Variants in STX11 observed in about 807,000 individuals in gnomAD.
STX11 encodes the protein syntaxin 11, also known as syntaxin-11.
In STX11, 21 loss-of-function variants were observed where a neutral mutation model predicts 19.9. That is an observed-to-expected ratio of 1.06 (90% CI 0.75 to 1.52). The LOEUF (loss-of-function observed/expected upper bound fraction) is 1.52, where lower values mean the gene tolerates loss of function less well. Among genes scored for constraint, STX11 ranks in the 40% most tolerant of loss-of-function variants. STX11 has a pLI of 0.00. For missense variants in STX11, 438 were observed against 405.9 expected, an observed-to-expected ratio of 1.08 and a Z score of -0.68; for synonymous variants, 193 against 174.4, an observed-to-expected ratio of 1.11 and a Z score of -0.84.
In STX11 at chr6:144,168,903, A is replaced by G. The variant is rs531147908; in HGVS notation, c.-5-17720A>G. On this transcript the variant is annotated intron_variant, in intron 1 of 1. Transcript: ENST00000367568. ...TTTAGGGAAAGTACGTGGCATAAAC[A>G]TTATTTTTGATGAGAATTTCCACTG... Among the ~76,000 whole-genome samples the G allele has an allele frequency of 2.6e-5, 4 of 152,350 alleles. No individual in the cohort carries two copies. In the South Asian group the frequency reaches 6.2e-4, roughly 24 times the overall value.
chr6:144,142,385 C>T, the STX11 span, among the ~76,000 whole-genome samples: 3 of 152,148 alleles, frequency 2.0e-5, no homozygotes, highest in South Asian at 6.2e-4. Flanking sequence ...GTTTGCAGTA[C>T]TGAAACCTTT....
At position 144,188,364 on chromosome 6, in the gene STX11, G is replaced by A. The variant is rs1802120565; in HGVS notation, c.*873G>A. On this transcript the variant is annotated 3_prime_UTR_variant, in exon 2 of 2. Coordinates refer to ENST00000367568, the MANE Select transcript of STX11 (RefSeq NM_003764.4). ...AAGTATGGTATATAAATTTCAAGACGAACACTTTTCTGGCTCTTGGTATTG... is the reference window on the plus strand; with the variant it reads ...AAGTATGGTATATAAATTTCAAGACAAACACTTTTCTGGCTCTTGGTATTG... The A allele has an allele frequency of 1.3e-5, 3 of 228,640 alleles. No homozygotes were observed. Among genetic ancestry groups the A allele is most frequent in the East Asian group, 7.2e-5 (1 of 13,986 alleles). The allele number at this position is 228,640 out of a possible 1,614,324, so 14.2% of individuals were successfully genotyped here. A position where few individuals can be genotyped will look rare whatever the true frequency, so the allele number is the denominator to read the frequency against.
rs1562672912 is a variant in STX11, at chr6:144,189,022, G to A, written c.*1531G>A. ...ATTACAGGTGTGAGCCACCATGCCT[G>A]GCCTTTTTTCCCCCCTTTTGAGACA... On this transcript the variant is annotated 3_prime_UTR_variant, in exon 2 of 2. Coordinates refer to ENST00000367568, the MANE Select transcript of STX11 (RefSeq NM_003764.4). Among the ~76,000 whole-genome samples the A allele has an allele frequency of 6.6e-6, 1 of 151,358 alleles. No homozygotes were observed. Among genetic ancestry groups the A allele is most frequent in the African/African-American group, 2.4e-5 (1 of 41,086 alleles).
At chr6:144,163,041 C>T (rs1041796738) in intron 1 of STX11, among the ~76,000 whole-genome samples, 1 of 152,152 alleles carries the variant, frequency 6.6e-6, no homozygotes, top group East Asian at 1.9e-4. Flanking sequence ...TTCTTTGTGT[C>T]GTAGTTGAAA....
chr6:144,140,164 T>C, the STX11 span, among the ~76,000 whole-genome samples: 1 of 140,656 alleles, frequency 7.1e-6, no homozygotes, highest in African/African-American at 2.5e-5. Context: ...GTGAGTTCAC[T>C]GCTCAGACTT....
In STX11 at chr6:144,189,809, A is replaced by G. The variant is rs972820167; in HGVS notation, c.*2318A>G. Among the ~76,000 whole-genome samples, 1 of 152,156 alleles carries G rather than the reference A, an allele frequency of 6.6e-6. No individual in the cohort carries two copies. The highest frequency in any genetic ancestry group is 1.5e-5 in the Non-Finnish European group (1 of 68,026). On this transcript the variant is annotated 3_prime_UTR_variant, in exon 2 of 2. Coordinates refer to ENST00000367568, the MANE Select transcript of STX11 (RefSeq NM_003764.4). ...TTTCTCCCAATTTCTTTTTCAGCCAACTCCAAGGATATGTATCACCTTTGA... is the reference window on the plus strand; with the variant it reads ...TTTCTCCCAATTTCTTTTTCAGCCAGCTCCAAGGATATGTATCACCTTTGA...
rs2128758668 is a variant in STX11, at chr6:144,189,919, G to A, written c.*2428G>A. Among the ~76,000 whole-genome samples, 1 of 152,286 alleles carries A rather than the reference G, an allele frequency of 6.6e-6. No individual in the cohort carries two copies. The highest frequency in any genetic ancestry group is 2.1e-4 in the South Asian group (1 of 4,826). ...TTTTTTATAATAGAGGAGAGATATT[G>A]TAAATAGAGACTGCCAGCCAGTTTC... On this transcript the variant is annotated 3_prime_UTR_variant, in exon 2 of 2. Transcript: ENST00000367568.
In STX11 at chr6:144,187,280, A is replaced by G. The variant is rs764809447; in HGVS notation, c.653A>G (p.Glu218Gly). ...ESRHRELLRL[E>G]SRIRDVHELF... ...CGCCACCGCGAACTGCTGCGCCTGGAGAGCCGCATCCGCGACGTACACGAG... is the reference window on the plus strand; with the variant it reads ...CGCCACCGCGAACTGCTGCGCCTGGGGAGCCGCATCCGCGACGTACACGAG... Residue 218 changes from glutamate (E) to glycine (G), a missense_variant, in exon 2 of 2, where the codon GAG (glutamate) becomes GGG (glycine). By Grantham distance (98) the Glu-to-Gly change is moderately conservative. Coordinates refer to ENST00000367568, the MANE Select transcript of STX11 (RefSeq NM_003764.4). This position sits in a 1 kb window ranked among gnomAD's most constrained non-coding sequence, Gnocchi z 5.6. The G allele has an allele frequency of 3.1e-6, 5 of 1,613,242 alleles. No individual in the cohort carries two copies. Among genetic ancestry groups the G allele is most frequent in the Admixed American group, 1.7e-5 (1 of 59,992 alleles).
chr6:144,140,254 A>ATTTTTTTTT, the STX11 span, among the ~76,000 whole-genome samples: 1 of 38,904 alleles, frequency 2.6e-5, no homozygotes, highest in African/African-American at 1.3e-4. Flanking sequence ...ATATATATAT[A>ATTTTTTTTT]TTTATTTATT....
At chr6:144,147,416 G>C (rs1011150280), upstream of STX11, among the ~76,000 whole-genome samples, 1 of 151,920 alleles carries the variant, frequency 6.6e-6, no homozygotes, top group Non-Finnish European at 1.5e-5. The surrounding 1 kb of genome is among the most constrained non-coding windows in gnomAD (Gnocchi z 4.2). Context: ...TTTTAATTTG[G>C]CTCCTGAAAC....
chr6:144,163,190 C>T (rs1801387944), intron 1 of STX11, among the ~76,000 whole-genome samples: 1 of 152,192 alleles, frequency 6.6e-6, no homozygotes, highest in African/African-American at 2.4e-5. Flanking sequence ...TTGCGTAAGT[C>T]AGTTTTGGTT....
In STX11 at chr6:144,160,579, CAT is replaced by C. The variant is rs1311448757; in HGVS notation, c.-6+9877_-6+9878del. ...ACAAAGCAAATAGGCCAAGTGCTAACATGTGCATATTTAACCTATGAACCTCT... is the reference window on the plus strand; with the variant it reads ...ACAAAGCAAATAGGCCAAGTGCTAACGTGCATATTTAACCTATGAACCTCT... On this transcript the variant is annotated intron_variant, in intron 1 of 1. Transcript: ENST00000367568. The surrounding 1 kb of genome is among the most constrained non-coding windows in gnomAD (Gnocchi z 4.3). Among the ~76,000 whole-genome samples the C allele has an allele frequency of 4.6e-5, 7 of 152,296 alleles. No homozygotes were observed. The East Asian group carries it at 1.2e-3, about 25-fold the overall frequency.
In STX11 at chr6:144,182,956, C is replaced by G. The variant is rs1191194045; in HGVS notation, c.-5-3667C>G. On this transcript the variant is annotated intron_variant, in intron 1 of 1. Transcript: ENST00000367568. This position sits in a 1 kb window ranked among gnomAD's most constrained non-coding sequence, Gnocchi z 4.8. ...CAGATGGGTACAGCTCAACTCTACG[C>G]AAACTAGCTAATGTGCTTTCCCCAG... Among the ~76,000 whole-genome samples, 1 of 152,226 alleles carries G rather than the reference C, an allele frequency of 6.6e-6. No individual in the cohort carries two copies. The highest frequency in any genetic ancestry group is 1.5e-5 in the Non-Finnish European group (1 of 68,038).
chr6:144,156,875 T>G (rs1041951361), intron 1 of STX11, among the ~76,000 whole-genome samples: 1 of 152,232 alleles, frequency 6.6e-6, no homozygotes, highest in Admixed American at 6.5e-5. Context: ...TCATATATAT[T>G]ATTTCTGTTA....
chr6:144,180,208 A>G lies in STX11; in HGVS notation c.-5-6415A>G, dbSNP rs942902107. ...TTGGCAAAATTTGCTTAATGCATATATTAGTCTTTTGGGGCTGCCTAATAA... is the reference window on the plus strand; with the variant it reads ...TTGGCAAAATTTGCTTAATGCATATGTTAGTCTTTTGGGGCTGCCTAATAA... On this transcript the variant is annotated intron_variant, in intron 1 of 1. Coordinates refer to ENST00000367568, the MANE Select transcript of STX11 (RefSeq NM_003764.4). This position sits in a 1 kb window ranked among gnomAD's most constrained non-coding sequence, Gnocchi z 5.3. 2.0e-5 allele frequency among the ~76,000 whole-genome samples: 3 copies of G among 152,242 alleles called. No individual in the cohort carries two copies. Among genetic ancestry groups the G allele is most frequent in the Non-Finnish European group, 4.4e-5 (3 of 68,042 alleles).
the STX11 span, chr6:144,140,874 C>A: frequency 2.7e-6 from 2 of 754,678 alleles, no homozygotes; most frequent in Non-Finnish European, 3.2e-6. Flanking sequence ...TCTAAATGAA[C>A]AGAATATGGC....
chr6:144,145,463 T>C, the STX11 span, among the ~76,000 whole-genome samples: 4 of 152,230 alleles, frequency 2.6e-5, no homozygotes, highest in Non-Finnish European at 5.9e-5. Context: ...CCCTGTTCAT[T>C]GCAGCACTTT....
upstream of STX11, among the ~76,000 whole-genome samples, chr6:144,146,155 C>A (rs1330844002): frequency 2.0e-5 from 3 of 152,168 alleles, no homozygotes; most frequent in Non-Finnish European, 2.9e-5. The surrounding 1 kb of genome is among the most constrained non-coding windows in gnomAD (Gnocchi z 4.4). Context: ...ACCTTCCAAC[C>A]CTGGGATTCA....
the STX11 span, among the ~76,000 whole-genome samples, chr6:144,145,335 A>C: frequency 6.6e-6 from 1 of 152,228 alleles, no homozygotes; most frequent in Non-Finnish European, 1.5e-5. Context: ...CACTTATATG[A>C]GATACTTAGA....
Sources: gnomAD v4.1 joint callset for allele counts (sites outside exome capture counted in the v4.1 genomes callset) on GRCh38, gnomAD v4.1.1 for gene constraint, Gnocchi (gnomAD v3.1) non-coding constraint, MANE v1.5 for transcripts, NCBI Gene and HGNC (gene_info 2026-07-23, HGNC 2026-07-21) for gene names.